The following LRP1B variants were observed in gnomAD, a reference collection of about 807,000 sequenced individuals.
LRP1B encodes the protein LDL receptor related protein 1B.
Under a neutral mutation model 556.6 loss-of-function variants are expected in LRP1B, and 217 were observed. The observed-to-expected ratio is 0.39, with a 90% CI of 0.35 to 0.44. The LOEUF is 0.44. Ranked by LOEUF, LRP1B falls within the 20% of genes least tolerant of loss-of-function variation. The pLI is 1.00. For missense variants in LRP1B, 5,053 were observed against 5,620.8 expected (o/e 0.90, Z 3.23); for synonymous variants, 2,047 against 1,865.8 (o/e 1.10, Z -2.50).
At chr2:140,302,180 A>G (rs1182525620) in intron 83 of LRP1B, among the ~76,000 whole-genome samples, 4 of 152,040 alleles carry the variant, frequency 2.6e-5, no homozygotes, top group Non-Finnish European at 5.9e-5. Context: ...TGTTCTTCCA[A>G]ACTTCTTTCT....
chr2:140,841,926 T>TTGCTC, intron 29 of LRP1B, among the ~76,000 whole-genome samples: 1 of 151,726 alleles, frequency 6.6e-6, no homozygotes, highest in East Asian at 1.9e-4. Context: ...TAGCATTTGA[T>TTGCTC]TACCTTGATT....
chr2:140,329,648 G>A (rs1680689770), intron 79 of LRP1B, among the ~76,000 whole-genome samples: 1 of 151,874 alleles, frequency 6.6e-6, no homozygotes, highest in South Asian at 2.1e-4. Context: ...ATTCACAGTT[G>A]CTACAAAGAC....
At chr2:140,472,773 C>A (rs1274002904) in intron 60 of LRP1B, among the ~76,000 whole-genome samples, 2 of 151,956 alleles carry the variant, frequency 1.3e-5, no homozygotes, top group Non-Finnish European at 2.9e-5. Flanking sequence ...ACTTTTTAAA[C>A]CATAAAGTCC....
chr2:141,995,803 T>C (rs1702473590), intron 1 of LRP1B, among the ~76,000 whole-genome samples: 1 of 152,214 alleles, frequency 6.6e-6, no homozygotes, highest in African/African-American at 2.4e-5. Context: ...TTAAGACTTT[T>C]ATTCTGTGGA....
At chr2:140,280,013 G>A (rs749631511) in intron 84 of LRP1B, among the ~76,000 whole-genome samples, 1 of 151,784 alleles carries the variant, frequency 6.6e-6, no homozygotes, top group Non-Finnish European at 1.5e-5. Flanking sequence ...CTTTGTTGAA[G>A]TTTTATAGCC....
At chr2:141,980,598 AT>A (rs1702016566) in intron 1 of LRP1B, among the ~76,000 whole-genome samples, 1 of 152,116 alleles carries the variant, frequency 6.6e-6, no homozygotes, top group African/African-American at 2.4e-5. Context: ...GAATTATGAA[AT>A]TCAAAACCAA....
intron 3 of LRP1B, among the ~76,000 whole-genome samples, chr2:141,438,333 A>G (rs1680839464): frequency 6.6e-6 from 1 of 151,256 alleles, no homozygotes; most frequent in South Asian, 2.1e-4. Context: ...TAACCCATTC[A>G]TTCATTCACT....
At chr2:141,758,511 T>C (rs1694404756) in intron 2 of LRP1B, among the ~76,000 whole-genome samples, 1 of 152,090 alleles carries the variant, frequency 6.6e-6, no homozygotes, top group Non-Finnish European at 1.5e-5. Context: ...GTATTATGAA[T>C]AATACATAAA....
intron 25 of LRP1B, among the ~76,000 whole-genome samples, chr2:140,868,930 C>T (rs549192108): frequency 4.6e-5 from 7 of 152,068 alleles, no homozygotes; most frequent in Admixed American, 6.6e-5. Flanking sequence ...AATGGGTCCC[C>T]GGTAAAACTG....
chr2:141,405,400 T>C (rs1319990294), intron 3 of LRP1B, among the ~76,000 whole-genome samples: 2 of 152,176 alleles, frequency 1.3e-5, no homozygotes, highest in African/African-American at 4.8e-5. Context: ...GGTATTATTA[T>C]AGAACTACAT....
chr2:140,576,571 A>G (rs1473132382), intron 43 of LRP1B, among the ~76,000 whole-genome samples: 2 of 152,222 alleles, frequency 1.3e-5, no homozygotes, highest in Non-Finnish European at 2.9e-5. Flanking sequence ...TTTATTCACC[A>G]TATATAATCT....
At chr2:141,855,188 C>A (rs1698008530) in intron 1 of LRP1B, among the ~76,000 whole-genome samples, 2 of 151,958 alleles carry the variant, frequency 1.3e-5, no homozygotes, top group Non-Finnish European at 2.9e-5. Context: ...TTCCAAAGAC[C>A]ACTCGAGCAT....
chr2:140,970,972 C>T (rs1490895091), intron 18 of LRP1B, among the ~76,000 whole-genome samples: 1 of 151,976 alleles, frequency 6.6e-6, no homozygotes, highest in African/African-American at 2.4e-5. Flanking sequence ...AACTCCTGGG[C>T]TCAAGGGATC....
intron 22 of LRP1B, among the ~76,000 whole-genome samples, chr2:140,905,278 C>G (rs1694218204): frequency 6.6e-6 from 1 of 152,052 alleles, no homozygotes; most frequent in Admixed American, 6.6e-5. Context: ...TGAACAATCC[C>G]TAGCACATTG....
At chr2:141,283,159 C>A (rs1685570533) in intron 3 of LRP1B, among the ~76,000 whole-genome samples, 1 of 151,762 alleles carries the variant, frequency 6.6e-6, no homozygotes, top group Non-Finnish European at 1.5e-5. Context: ...TAAGTAATTA[C>A]AATATAAAAT....
At chr2:140,501,912 T>TGC in intron 54 of LRP1B, 38 bp from the exon 55 acceptor site, 1 of 1,483,924 alleles carries the variant, frequency 6.7e-7, no homozygotes, top group Non-Finnish European at 9.1e-7. Context: ...ATAAAGGGCA[T>TGC]GCCATTGTTT....
intron 32 of LRP1B, among the ~76,000 whole-genome samples, chr2:140,793,905 T>C (rs1690209365): frequency 6.6e-6 from 1 of 152,094 alleles, no homozygotes; most frequent in Non-Finnish European, 1.5e-5. Flanking sequence ...TATTTCACCA[T>C]GAATGTTATG....
intron 35 of LRP1B, among the ~76,000 whole-genome samples, chr2:140,761,951 T>C (rs1355565764): frequency 6.7e-6 from 1 of 149,982 alleles, no homozygotes; most frequent in East Asian, 2.0e-4. Context: ...ATCCATTCTA[T>C]GACAATCATA....
At chr2:141,329,144 T>C (rs1263385106) in intron 3 of LRP1B, among the ~76,000 whole-genome samples, 3 of 152,056 alleles carry the variant, frequency 2.0e-5, no homozygotes, top group Non-Finnish European at 4.4e-5. Flanking sequence ...TCACAACACT[T>C]TGGGAGGCCG....
Sources: allele counts gnomAD v4.1 joint callset (sites outside exome capture counted in the v4.1 genomes callset), GRCh38; gene constraint gnomAD v4.1.1; transcripts MANE v1.5; gene names NCBI Gene and HGNC (gene_info 2026-07-23, HGNC 2026-07-21).